XKR4: variants seen among roughly 807,000 people sequenced by gnomAD.
The protein encoded by XKR4 is XK related 4, also known as XK-related protein 4.
A neutral mutation model predicts 53.9 loss-of-function variants in XKR4; 12 were observed. That is an observed-to-expected ratio of 0.22 (90% CI 0.14 to 0.36). XKR4 has a LOEUF of 0.36. Among genes scored for constraint, XKR4 ranks in the 10% least tolerant of loss-of-function variants. The pLI is 1.00. For synonymous variants in XKR4, 354 were observed against 362.4 expected (o/e 0.98, Z 0.26); for missense variants, 799 against 859.5 (o/e 0.93, Z 0.88).
rs144795084 is a variant in XKR4, at chr8:55,196,440, C to T, written c.806+93146C>T. On this transcript the variant is annotated intron_variant, in intron 1 of 2. Coordinates refer to ENST00000327381, the MANE Select transcript of XKR4 (RefSeq NM_052898.2). ...TCAGGTGATCTGCCCGCCTCAGCCT[C>T]CCAAAGTGCTGGGATTACAGGCATG... Among the ~76,000 whole-genome samples, 324 of 152,306 alleles carry T rather than the reference C, an allele frequency of 2.1e-3. 1 individual carries two copies. Among genetic ancestry groups the T allele is most frequent in the African/African-American group, 7.3e-3 (303 of 41,564 alleles).
intron 1 of XKR4, among the ~76,000 whole-genome samples, chr8:55,122,562 A>G (rs770993647): frequency 1.3e-5 from 2 of 152,244 alleles, no homozygotes; most frequent in Admixed American, 1.3e-4. Flanking sequence ...GTTGATTAGA[A>G]TGGAATGACT....
chr8:55,413,648 G>A (rs1441433573), intron 2 of XKR4, among the ~76,000 whole-genome samples: 1 of 152,122 alleles, frequency 6.6e-6, no homozygotes, highest in Non-Finnish European at 1.5e-5. Flanking sequence ...TTAAATCTCT[G>A]GTTCTGTTTA....
chr8:55,357,948 A>C (rs1291151468), intron 2 of XKR4, 71 bp downstream of exon 2: 4 of 1,488,554 alleles, frequency 2.7e-6, no homozygotes, highest in Non-Finnish European at 3.7e-6. Context: ...AATCCGAGGA[A>C]CTGTCCTAAT....
intron 1 of XKR4, among the ~76,000 whole-genome samples, chr8:55,109,818 C>T (rs1270989755): frequency 6.6e-6 from 1 of 152,132 alleles, no homozygotes; most frequent in Non-Finnish European, 1.5e-5. Context: ...ATCCTTGGAG[C>T]AATAGCTTTG....
intron 2 of XKR4, chr8:55,452,333 C>A (rs992632841): frequency 7.9e-6 from 5 of 634,466 alleles, no homozygotes; most frequent in Non-Finnish European, 1.2e-5. Flanking sequence ...AGCGGAACAC[C>A]ACCTTCTCCC....
intron 1 of XKR4, among the ~76,000 whole-genome samples, chr8:55,233,337 C>G (rs1235118713): frequency 1.3e-5 from 2 of 151,904 alleles, no homozygotes; most frequent in African/African-American, 4.8e-5. Flanking sequence ...TGTCCTTTTA[C>G]TAACATAGTC....
intron 1 of XKR4, among the ~76,000 whole-genome samples, chr8:55,196,760 A>G (rs1817511994): frequency 6.6e-6 from 1 of 152,208 alleles, no homozygotes; most frequent in Non-Finnish European, 1.5e-5. Context: ...AATAAGAATG[A>G]ATTAGAAAGA....
chr8:55,224,774 G>A (rs1585950314), intron 1 of XKR4, among the ~76,000 whole-genome samples: 1 of 152,082 alleles, frequency 6.6e-6, no homozygotes, highest in East Asian at 1.9e-4. Flanking sequence ...AATCCTAAAT[G>A]TTTATTATCC....
intron 1 of XKR4, among the ~76,000 whole-genome samples, chr8:55,263,003 G>A (rs1818549465): frequency 6.6e-6 from 1 of 152,154 alleles, no homozygotes; most frequent in Admixed American, 6.5e-5. Context: ...CACACGCCCT[G>A]CACAGCATTG....
In XKR4 at chr8:55,523,573, C is replaced by G; in HGVS notation, c.1299C>G (p.Phe433Leu). 2 of 1,614,090 alleles carry G rather than the reference C, an allele frequency of 1.2e-6. No homozygotes were observed. Among genetic ancestry groups the G allele is most frequent in the Non-Finnish European group, 1.7e-6 (2 of 1,180,012 alleles). ...TCACCAAATGGGAAGAGATTGTGTT[C>G]GACATGGTGGTGGGGATTATCTATA... ...FCITKWEEIV[F>L]DMVVGIIYIF... The change falls in exon 3 of 3, where the codon TTC (phenylalanine) becomes TTG (leucine). Residue 433 changes from phenylalanine to leucine, a missense_variant. Phe to Leu is a conservative substitution (Grantham distance 22). Around this residue, in one of 3 missense-constraint regions of XKR4, gnomAD observed 54 missense variants for 89.7 expected, o/e 0.60. Coordinates refer to ENST00000327381, the MANE Select transcript of XKR4 (RefSeq NM_052898.2).
intron 2 of XKR4, among the ~76,000 whole-genome samples, chr8:55,483,788 C>G (rs1268464376): frequency 6.7e-6 from 1 of 149,974 alleles, no homozygotes; most frequent in East Asian, 1.9e-4. Context: ...AGAAAGGGAA[C>G]AGCAAAATTA....
In XKR4 at chr8:55,508,136, C is replaced by T. The variant is rs577896409; in HGVS notation, c.1007-15145C>T. Among the ~76,000 whole-genome samples, 4 of 152,080 alleles carry T rather than the reference C, an allele frequency of 2.6e-5. No homozygotes were observed. The East Asian group carries it at 7.8e-4, about 30-fold the overall frequency. On this transcript the variant is annotated intron_variant, in intron 2 of 2. Transcript: ENST00000327381. ...TTCCTAATTGAAAAACCTTTACAAGCAGTGATGGCATGAATTGAACTTACT... is the reference window on the plus strand; with the variant it reads ...TTCCTAATTGAAAAACCTTTACAAGTAGTGATGGCATGAATTGAACTTACT...
intron 1 of XKR4, among the ~76,000 whole-genome samples, chr8:55,343,431 A>G (rs1385154625): frequency 6.6e-6 from 1 of 152,196 alleles, no homozygotes; most frequent in African/African-American, 2.4e-5. Flanking sequence ...GGGAGCTCAG[A>G]TGCTTTCCTC....
At chr8:55,280,184 G>A (rs1373499484) in intron 1 of XKR4, among the ~76,000 whole-genome samples, 1 of 152,154 alleles carries the variant, frequency 6.6e-6, no homozygotes, top group African/African-American at 2.4e-5. Context: ...CTGACCAAAC[G>A]TTGTGTTGCA....
At position 55,205,767 on chromosome 8, in the gene XKR4, G is replaced by A. The variant is rs183914963; in HGVS notation, c.806+102473G>A. Among the ~76,000 whole-genome samples the A allele has an allele frequency of 2.9e-4, 44 of 152,278 alleles. No homozygotes were observed. In the East Asian group the frequency reaches 6.0e-3, roughly 21 times the overall value. ...AGCATCTCATGATGAGAAAATGTAC[G>A]TCCCATATGGTCTTACTGTGTCCGG... On this transcript the variant is annotated intron_variant, in intron 1 of 2. Transcript: ENST00000327381.
intron 1 of XKR4, among the ~76,000 whole-genome samples, chr8:55,146,123 C>T (rs1816770470): frequency 6.6e-6 from 1 of 152,090 alleles, no homozygotes; most frequent in Non-Finnish European, 1.5e-5. Flanking sequence ...TTTGCTATAC[C>T]TTTTATGTTT....
intron 1 of XKR4, among the ~76,000 whole-genome samples, chr8:55,212,177 G>T (rs1817740546): frequency 6.6e-6 from 1 of 151,580 alleles, no homozygotes; most frequent in African/African-American, 2.4e-5. Flanking sequence ...TGCAGATGAA[G>T]CCTCCAGGTG....
chr8:55,421,711 T>C (rs1381161417), intron 2 of XKR4, among the ~76,000 whole-genome samples: 1 of 152,214 alleles, frequency 6.6e-6, no homozygotes, highest in Non-Finnish European at 1.5e-5. Flanking sequence ...CAGGCTAAAT[T>C]GCAATTCCTC....
chr8:55,363,163 G>A (rs1490633829), intron 2 of XKR4, among the ~76,000 whole-genome samples: 2 of 152,124 alleles, frequency 1.3e-5, no homozygotes, highest in Non-Finnish European at 2.9e-5. Context: ...ATCACTAATG[G>A]AAAATCTCAT....
Sources: allele counts gnomAD v4.1 joint callset (sites outside exome capture counted in the v4.1 genomes callset), GRCh38; gene constraint gnomAD v4.1.1; regional missense constraint gnomAD v4.1.1; transcripts MANE v1.5; gene names NCBI Gene and HGNC (gene_info 2026-07-23, HGNC 2026-07-21).